The following RNF213 variants were observed in gnomAD, a reference collection of about 807,000 sequenced individuals.
The protein encoded by RNF213 is E3 ubiquitin-protein ligase RNF213.
A neutral mutation model predicts 514.4 loss-of-function variants in RNF213; 341 were observed. That is an observed-to-expected ratio of 0.66 (90% confidence interval 0.61 to 0.73). RNF213 has a LOEUF of 0.73. Among genes scored for constraint, RNF213 ranks in the 30% least tolerant of loss-of-function variants. The pLI, the probability that RNF213 is intolerant of heterozygous loss-of-function variation, is 0.00. For synonymous variants in RNF213, 2,655 were observed against 2,658.2 expected (o/e 1.00, Z 0.04); for missense variants, 5,767 against 6,615.6 (o/e 0.87, Z 4.45).
chr17:80,264,631 A>C lies in RNF213; in HGVS notation c.97+853A>C, dbSNP rs73442406. ...CCCGGGGCCCTCTCCTTCCTCCATG[A>C]CCCACATGCAGAGGGCCCTGCTGGT... is the stretch of plus-strand genomic sequence containing the variant. On this transcript the variant is annotated intron_variant, in intron 2 of 67. Coordinates refer to ENST00000582970, the MANE Select transcript of RNF213 (RefSeq NM_001256071.3). The surrounding 1 kb of genome is among the most constrained non-coding windows in gnomAD (Gnocchi z 5.0). Among the ~76,000 whole-genome samples, 13,352 of 151,730 alleles carry C rather than the reference A, an allele frequency of 0.088. 1,358 individuals are homozygous for C. The highest frequency in any genetic ancestry group is 0.25 in the African/African-American group (10,152 of 41,274).
At position 80,343,972 on chromosome 17, in the gene RNF213, T is replaced by C. The variant is rs2078235249; in HGVS notation, c.6299T>C (p.Leu2100Pro). ...NPCHLYIVEILERRTSVPSRS... is the reference protein window; with the variant it reads ...NPCHLYIVEIPERRTSVPSRS... The stretch of plus-strand genomic sequence containing the variant: ...TGCCATTTGTATATCGTTGAAATCC[T>C]GGAAAGGAGGACGTCAGTGCCGTCG... Residue 2100 changes from leucine (L) to proline (P), a missense_variant, in exon 28 of 68, where the codon CTG (leucine) becomes CCG (proline). Leu to Pro is a moderately conservative substitution (Grantham distance 98). Transcript: ENST00000582970. The surrounding 1 kb of genome is among the most constrained non-coding windows in gnomAD (Gnocchi z 4.3). 3 of 1,614,092 alleles carry C rather than the reference T, an allele frequency of 1.9e-6. No homozygotes were observed. The highest frequency in any genetic ancestry group is 1.3e-5 in the African/African-American group (1 of 74,930).
At position 80,346,949 on chromosome 17, in the gene RNF213, G is replaced by A. The variant is rs1170740490; in HGVS notation, c.8614G>A (p.Asp2872Asn). 7 of 1,613,830 alleles carry A rather than the reference G, an allele frequency of 4.3e-6. No individual in the cohort carries two copies. Among genetic ancestry groups the A allele is most frequent in the East Asian group, 2.2e-5 (1 of 44,874 alleles). ...PLLEDGCIED[D>N]PAPHKKVGFV... ...GCTGGAAGACGGATGCATTGAAGACGATCCCGCCCCCCACAAAAAGGTCGG... is the reference window on the plus strand; with the variant it reads ...GCTGGAAGACGGATGCATTGAAGACAATCCCGCCCCCCACAAAAAGGTCGG... Residue 2872 changes from aspartate (D) to asparagine (N), a missense_variant, in exon 29 of 68, where the codon GAT becomes AAT. Asp to Asn is a conservative substitution (Grantham distance 23). This residue lies in a region of RNF213 where 105 missense variants were observed against 183.9 expected (regional missense o/e 0.57). Coordinates refer to ENST00000582970, the MANE Select transcript of RNF213 (RefSeq NM_001256071.3). The surrounding 1 kb of genome is among the most constrained non-coding windows in gnomAD (Gnocchi z 8.1).
chr17:80,389,939 C>T lies in RNF213; in HGVS notation c.15285+22C>T, dbSNP rs573467672. 3 of 1,613,606 alleles carry T rather than the reference C, an allele frequency of 1.9e-6. No individual in the cohort carries two copies. In the East Asian group the frequency reaches 6.7e-5, roughly 36 times the overall value. Reference sequence around the variant, plus strand: ...CAAAGTAAGTCTGGTCTCTTCCTCTCTGCTGGACAGAGGGACTGCGCTCCC... The same window carrying T: ...CAAAGTAAGTCTGGTCTCTTCCTCTTTGCTGGACAGAGGGACTGCGCTCCC... On this transcript the variant is annotated intron_variant, in intron 66 of 67. Coordinates refer to ENST00000582970, the MANE Select transcript of RNF213 (RefSeq NM_001256071.3).
rs1179836905 is a variant in RNF213 at position 80,377,682 on chromosome 17, TAG to T, written c.13511-75_13511-74del. The T allele has an allele frequency of 2.8e-5, 42 of 1,501,698 alleles. No individual in the cohort carries two copies. In the African/African-American group the frequency reaches 3.7e-4, roughly 13 times the overall value. 93.0% of individuals were successfully genotyped at this position (1,501,698 alleles called of 1,614,324 possible). ...TCATATTGTGGTCAGGGCCAGAGAGTAGAGAGTTAGCTTTCCCTTTTCAATGT... is the reference window on the plus strand; with the variant it reads ...TCATATTGTGGTCAGGGCCAGAGAGTAGAGTTAGCTTTCCCTTTTCAATGT... On this transcript the variant is annotated intron_variant, in intron 53 of 67. Coordinates refer to ENST00000582970, the MANE Select transcript of RNF213 (RefSeq NM_001256071.3). The surrounding 1 kb of genome is among the most constrained non-coding windows in gnomAD (Gnocchi z 4.1).
chr17:80,371,131 G>GA (rs1050244801), intron 46 of RNF213, among the ~76,000 whole-genome samples: 1 of 151,874 alleles, frequency 6.6e-6, no homozygotes, highest in Non-Finnish European at 1.5e-5. Context: ...GGTCAAAAAA[G>GA]AAAAAAATCT....
In RNF213 at chr17:80,358,369, C is replaced by G; in HGVS notation, c.10944C>G (p.Asn3648Lys). Residue 3648 changes from asparagine to lysine, a missense_variant, in exon 37 of 68, where the codon AAC becomes AAG. Coordinates refer to ENST00000582970, the MANE Select transcript of RNF213 (RefSeq NM_001256071.3). ...SMISFIDRDGNLELLTRPDTP... is the reference protein window; with the variant it reads ...SMISFIDRDGKLELLTRPDTP... Reference sequence around the variant, plus strand: ...TATCATTCATCGACAGAGACGGCAACCTAGAGTTACTGACCAGGCCAGATA... The same window carrying G: ...TATCATTCATCGACAGAGACGGCAAGCTAGAGTTACTGACCAGGCCAGATA... 1 of 1,614,130 alleles carries G rather than the reference C, an allele frequency of 6.2e-7. No homozygotes were observed. Among genetic ancestry groups the G allele is most frequent in the Non-Finnish European group, 8.5e-7 (1 of 1,180,014 alleles).
chr17:80,305,511 C>T (rs1272212181), intron 11 of RNF213, among the ~76,000 whole-genome samples: 1 of 151,794 alleles, frequency 6.6e-6, no homozygotes, highest in East Asian at 1.9e-4. Flanking sequence ...ATTACTGCTC[C>T]TTGTAGAACA....
chr17:80,261,979 G>T (rs1165785539), intron 1 of RNF213, among the ~76,000 whole-genome samples: 2 of 152,166 alleles, frequency 1.3e-5, no homozygotes, highest in African/African-American at 4.8e-5. Flanking sequence ...ATTGCCCACT[G>T]TACTCCAGCC....
chr17:80,380,704 T>C (rs1599189807), intron 55 of RNF213, 127 bp from the exon 56 acceptor site: 1 of 1,120,802 alleles, frequency 8.9e-7, no homozygotes, highest in Non-Finnish European at 1.3e-6. Flanking sequence ...CCAGGCTTTG[T>C]GGAACAGCAA....
At chr17:80,360,487 G>A (rs571013115) in intron 38 of RNF213, 40 of 455,810 alleles carry the variant, frequency 8.8e-5, no homozygotes, top group African/African-American at 4.5e-4. Flanking sequence ...GGGATATGGC[G>A]AAATGGGGTG....
intron 51 of RNF213, 51 bp downstream of exon 51, chr17:80,375,921 T>G (rs1290121836): frequency 4.0e-6 from 5 of 1,258,664 alleles, no homozygotes; most frequent in Non-Finnish European, 5.8e-6. Context: ...TTTGGAGGGA[T>G]TTTATTGAAT....
Position 80,264,998 on chromosome 17 carries a change from ATGT to A in RNF213, c.97+1224_97+1226del, listed in dbSNP as rs1487543498. Among the ~76,000 whole-genome samples, 2 of 144,862 alleles carry A rather than the reference ATGT, an allele frequency of 1.4e-5. No individual in the cohort carries two copies. Among genetic ancestry groups the A allele is most frequent in the Non-Finnish European group, 1.5e-5 (1 of 66,858 alleles). On this transcript the variant is annotated intron_variant, in intron 2 of 67. Coordinates refer to ENST00000582970, the MANE Select transcript of RNF213 (RefSeq NM_001256071.3). The surrounding 1 kb of genome is among the most constrained non-coding windows in gnomAD (Gnocchi z 5.0). ...AGCTGCTCGCCATGGGGTCTCTCCG[ATGT>A]TGTCCTTCAAGGGTGTGAGCCCCAG... is the stretch of plus-strand genomic sequence containing the variant.
rs2078592521 is a variant in RNF213, at chr17:80,353,138, G to C, written c.10423+79G>C. ...AGGTGTGGAGCGTGGCGTGCACATG[G>C]CACTAGGAGCAGGGCCACCGTGTTT... On this transcript the variant is annotated intron_variant, in intron 33 of 67. Transcript: ENST00000582970. This position sits in a 1 kb window ranked among gnomAD's most constrained non-coding sequence, Gnocchi z 5.0. 15 of 1,579,626 alleles carry C rather than the reference G, an allele frequency of 9.5e-6. No individual in the cohort carries two copies. The highest frequency in any genetic ancestry group is 1.3e-5 in the Non-Finnish European group (15 of 1,161,056).
intron 59 of RNF213, 189 bp from the exon 60 acceptor site, chr17:80,384,839 CCATTTCTAGCA>C (rs2080169563): frequency 1.6e-6 from 1 of 643,624 alleles, no homozygotes; most frequent in African/African-American, 1.8e-5. Flanking sequence ...TCGCCGCCCT[CCATTTCTAGCA>C]CACTGCACTG....
rs1298589761 is a variant in RNF213 at position 80,398,687 on chromosome 17, G to A, written c.*5189G>A. 1 of 140,456 alleles carries A rather than the reference G, an allele frequency of 7.1e-6. No individual in the cohort carries two copies. Among genetic ancestry groups the A allele is most frequent in the Non-Finnish European group, 1.5e-5 (1 of 66,398 alleles). The allele number at this position is 140,456 out of a possible 1,614,324, so 8.7% of individuals were successfully genotyped here. A position where few individuals can be genotyped will look rare whatever the true frequency, so the allele number is the denominator to read the frequency against. ...GGAAAGACCAGCAGAGAGAGAAAGA[G>A]GAAGAGACAGACAAAGAGGGAGTCA... On this transcript the variant is annotated 3_prime_UTR_variant, in exon 68 of 68. Coordinates refer to ENST00000582970, the MANE Select transcript of RNF213 (RefSeq NM_001256071.3).
At position 80,343,324 on chromosome 17, in the gene RNF213, C is replaced by G. The variant is rs773110444; in HGVS notation, c.6182C>G (p.Ser2061Ter). 6.2e-7 allele frequency: 1 copy of G among 1,611,184 alleles called. No individual in the cohort carries two copies. Among genetic ancestry groups the G allele is most frequent in the African/African-American group, 1.3e-5 (1 of 74,930 alleles). ...CTCTTTCACCTGGACGTGACCTCCT[C>G]AGTAAGTGCCCTCCAGCGTCAGCCG... is the stretch of plus-strand genomic sequence containing the variant. ...PVLFHLDVTS[S>*]VQTGIWVFLF... Residue 2061 changes from serine (S) to a stop codon, truncating the protein, a stop_gained and splice_region_variant, in exon 27 of 68, where the codon TCA becomes TGA. Transcript: ENST00000582970. LOFTEE classifies it high-confidence loss of function. This position sits in a 1 kb window ranked among gnomAD's most constrained non-coding sequence, Gnocchi z 4.3.
At chr17:80,351,221 T>C (rs1407705473) in intron 31 of RNF213, among the ~76,000 whole-genome samples, 2 of 152,206 alleles carry the variant, frequency 1.3e-5, no homozygotes, top group Non-Finnish European at 2.9e-5. Flanking sequence ...AGGGGCTGTT[T>C]CCTGTAATCC....
At position 80,271,989 on chromosome 17, in the gene RNF213, G is replaced by T. The variant is rs549983909; in HGVS notation, c.98-1252G>T. On this transcript the variant is annotated intron_variant, in intron 2 of 67. Transcript: ENST00000582970. Reference sequence around the variant, plus strand: ...AGCGAGACTCCGTCTCAAAAAAGAAGAAAAAAGAAAAGAGGCCGGGTGGGG... The same window carrying T: ...AGCGAGACTCCGTCTCAAAAAAGAATAAAAAAGAAAAGAGGCCGGGTGGGG... 5.2e-3 allele frequency among the ~76,000 whole-genome samples: 660 copies of T among 125,920 alleles called. 6 individuals are homozygous for T. The highest frequency in any genetic ancestry group is 0.019 in the African/African-American group (617 of 32,936). The allele number at this position is 125,920 out of a possible 152,430, so 82.6% of individuals were successfully genotyped here.
At chr17:80,388,160 T>G (rs2080315272) in intron 63 of RNF213, among the ~76,000 whole-genome samples, 2 of 152,136 alleles carry the variant, frequency 1.3e-5, no homozygotes, top group Admixed American at 1.3e-4. Flanking sequence ...GAGACGGGGT[T>G]TCACCATGTT....
Sources: gnomAD v4.1 joint callset for allele counts (sites outside exome capture counted in the v4.1 genomes callset) on GRCh38, gnomAD v4.1.1 for gene constraint, gnomAD v4.1.1 regional missense constraint, Gnocchi (gnomAD v3.1) non-coding constraint, MANE v1.5 for transcripts, NCBI Gene and HGNC (gene_info 2026-07-23, HGNC 2026-07-21) for gene names.